NAV3: variants seen among roughly 807,000 people sequenced by gnomAD.
The protein encoded by NAV3 is neuron navigator 3.
Under a neutral mutation model 244.7 loss-of-function variants are expected in NAV3, and 87 were observed. The ratio of observed to expected loss-of-function variants is 0.36; its 90% CI spans 0.30 to 0.42. The LOEUF is 0.42. Ranked by LOEUF, NAV3 falls within the 20% of genes least tolerant of loss-of-function variation. NAV3 has a pLI of 1.00. For missense variants in NAV3, 2,663 were observed against 2,893.3 expected (o/e 0.92, Z 1.83); for synonymous variants, 1,126 against 1,042.2 (o/e 1.08, Z -1.55).
At chr12:77,672,641 C>G (rs889049328) in intron 2 of NAV3, among the ~76,000 whole-genome samples, 10 of 151,716 alleles carry the variant, frequency 6.6e-5, no homozygotes, top group Non-Finnish European at 7.4e-5. Flanking sequence ...TGAGGACACA[C>G]AAGCATAAGA....
At chr12:77,747,974 G>A (rs1868641972) in intron 2 of NAV3, among the ~76,000 whole-genome samples, 2 of 152,190 alleles carry the variant, frequency 1.3e-5, no homozygotes, top group Middle Eastern at 3.4e-3. Context: ...CATGGCACCT[G>A]TATACATATG....
intron 4 of NAV3, among the ~76,000 whole-genome samples, chr12:77,966,704 T>C (rs572940327): frequency 6.6e-6 from 1 of 152,198 alleles, no homozygotes; most frequent in South Asian, 2.1e-4. Context: ...TTCTATAATA[T>C]ATTCAAGTTG....
At chr12:77,927,788 GATC>G (rs1328390653) in intron 1 of NAV3, among the ~76,000 whole-genome samples, 2 of 152,094 alleles carry the variant, frequency 1.3e-5, no homozygotes, top group Non-Finnish European at 2.9e-5. Flanking sequence ...TAGAAGAAAA[GATC>G]ATTAGTCAGG....
intron 2 of NAV3, among the ~76,000 whole-genome samples, chr12:77,627,635 C>T (rs1871696458): frequency 6.6e-6 from 1 of 151,996 alleles, no homozygotes; most frequent in South Asian, 2.1e-4. Flanking sequence ...TCTCCGAACT[C>T]TAAAATTAAA....
Position 78,007,822 on chromosome 12 carries a change from C to T in NAV3, c.1907+377C>T, listed in dbSNP as rs1035218707. Among the ~76,000 whole-genome samples the T allele has an allele frequency of 8.5e-5, 13 of 152,098 alleles. 1 individual carries two copies. Among genetic ancestry groups the T allele is most frequent in the South Asian group, 4.1e-4 (2 of 4,832 alleles). ...ATAATTCTCACTTTTACATCGTTTA[C>T]GGTTATTTTTGTTGTCATCTTTGGG... On this transcript the variant is annotated intron_variant, in intron 8 of 39. Coordinates refer to ENST00000397909, the MANE Select transcript of NAV3 (RefSeq NM_001024383.2).
At chr12:77,888,098 TATG>T (rs1402120829) in intron 1 of NAV3, among the ~76,000 whole-genome samples, 1 of 151,434 alleles carries the variant, frequency 6.6e-6, no homozygotes, top group Admixed American at 6.6e-5. Context: ...TGCGGTAAAA[TATG>T]ATGATTTTAA....
intron 13 of NAV3, among the ~76,000 whole-genome samples, chr12:78,117,158 C>CTTATATATATATATATATATAT (rs1555292748): frequency 2.8e-5 from 2 of 70,370 alleles, no homozygotes; most frequent in African/African-American, 5.4e-5. Flanking sequence ...ACAGAAGCAG[C>CTTATATATATATATATATATAT]ATATATATAT....
chr12:78,044,762 A>T (rs1318408074), intron 9 of NAV3, among the ~76,000 whole-genome samples: 1 of 152,082 alleles, frequency 6.6e-6, no homozygotes, highest in African/African-American at 2.4e-5. Flanking sequence ...AATGCTTGTG[A>T]TTTTCGCATG....
chr12:78,158,693 G>A (rs1425002571), intron 22 of NAV3, among the ~76,000 whole-genome samples: 1 of 151,724 alleles, frequency 6.6e-6, no homozygotes, highest in African/African-American at 2.4e-5. Context: ...TAGAAAAAGA[G>A]TAAAGATAAT....
intron 12 of NAV3, among the ~76,000 whole-genome samples, chr12:78,075,930 A>G (rs148930959): frequency 1.1e-4 from 16 of 152,332 alleles, no homozygotes; most frequent in African/African-American, 2.9e-4. Context: ...AAGGTTCCCA[A>G]GAGTCAAGTG....
chr12:77,896,647 T>C (rs1269797084), intron 1 of NAV3, among the ~76,000 whole-genome samples: 1 of 152,208 alleles, frequency 6.6e-6, no homozygotes, highest in East Asian at 1.9e-4. Flanking sequence ...GCAAATGGTC[T>C]CTGCCTCTAT....
intron 37 of NAV3, 79 bp downstream of exon 37, chr12:78,199,610 A>G (rs916420715): frequency 1.9e-6 from 2 of 1,054,800 alleles, no homozygotes; most frequent in Non-Finnish European, 2.7e-6. Flanking sequence ...GATGGTAGAA[A>G]ATAACAAGCA....
chr12:77,848,677 C>G (rs59733613), intron 1 of NAV3, among the ~76,000 whole-genome samples: 2,882 of 152,246 alleles, frequency 0.019, 75 homozygotes, highest in African/African-American at 0.065. Flanking sequence ...ACATAGTTTA[C>G]TAAACTTTGG....
rs2139804679 is a variant in NAV3 at position 78,185,647 on chromosome 12, C to G, written c.5739C>G (p.Gly1913=). 1.2e-6 allele frequency: 2 copies of G among 1,608,424 alleles called. No individual in the cohort carries two copies. Among genetic ancestry groups the G allele is most frequent in the South Asian group, 1.1e-5 (1 of 90,908 alleles). ...GTGATGCAACTGGACATAAAGATGG[C>G]CGCAGTGTGAAAATTATAGTCTCCA... ...DAGDATGHKD[G]RSVKIIVSIS... Residue 1913 remains glycine (G), a synonymous_variant, in exon 31 of 40, where the codon GGC becomes GGG. Coordinates refer to ENST00000397909, the MANE Select transcript of NAV3 (RefSeq NM_001024383.2).
intron 30 of NAV3, among the ~76,000 whole-genome samples, chr12:78,182,601 A>C (rs1958546136): frequency 2.0e-5 from 3 of 152,012 alleles, no homozygotes; most frequent in Non-Finnish European, 1.5e-5. Context: ...TCATAAAGAT[A>C]AATATAAAAT....
intron 8 of NAV3, among the ~76,000 whole-genome samples, chr12:78,011,294 T>A (rs1340944847): frequency 6.6e-6 from 1 of 152,116 alleles, no homozygotes; most frequent in Non-Finnish European, 1.5e-5. Flanking sequence ...TCATCCCTCA[T>A]TCTACAAATA....
chr12:77,656,570 A>T (rs1336319158), intron 2 of NAV3, among the ~76,000 whole-genome samples: 1 of 128,150 alleles, frequency 7.8e-6, no homozygotes, highest in East Asian at 2.0e-4. Context: ...GTCAACAAGG[A>T]TACCCAGGAA....
At chr12:77,843,134 C>T (rs1875979680) in intron 1 of NAV3, among the ~76,000 whole-genome samples, 1 of 152,094 alleles carries the variant, frequency 6.6e-6, no homozygotes, top group Admixed American at 6.6e-5. Flanking sequence ...CTTTTCTCCT[C>T]AAAGCACCTG....
At chr12:77,952,025 A>C (rs2137665244) in intron 3 of NAV3, among the ~76,000 whole-genome samples, 1 of 151,536 alleles carries the variant, frequency 6.6e-6, no homozygotes. Flanking sequence ...TATGTAACAA[A>C]CCTGCACGTT....
Sources: allele counts gnomAD v4.1 joint callset (sites outside exome capture counted in the v4.1 genomes callset), GRCh38; gene constraint gnomAD v4.1.1; transcripts MANE v1.5; gene names NCBI Gene and HGNC (gene_info 2026-07-23, HGNC 2026-07-21).